The following CCDC91 variants were observed in gnomAD, a reference collection of about 807,000 sequenced individuals.
CCDC91 encodes coiled-coil domain-containing protein 91.
In CCDC91, 48 loss-of-function variants were observed where a neutral mutation model predicts 63.2. That is an observed-to-expected ratio of 0.76 (90% CI 0.60 to 0.97). CCDC91 has a LOEUF of 0.97. Among genes scored for constraint, CCDC91 ranks in the 50% least tolerant of loss-of-function variants. The pLI is 0.00. For synonymous variants in CCDC91, 167 were observed against 165.8 expected, an observed-to-expected ratio of 1.01 and a Z score of -0.06; for missense variants, 500 against 494.6, an observed-to-expected ratio of 1.01 and a Z score of -0.10.
At chr12:28,297,822 T>A (rs1384340088) in intron 3 of CCDC91, among the ~76,000 whole-genome samples, 1 of 151,842 alleles carries the variant, frequency 6.6e-6, no homozygotes, top group African/African-American at 2.4e-5. Flanking sequence ...GATATTTATA[T>A]TTTACATACT....
At chr12:28,390,870 G>C (rs972913353) in intron 7 of CCDC91, among the ~76,000 whole-genome samples, 1 of 151,852 alleles carries the variant, frequency 6.6e-6, no homozygotes, top group Non-Finnish European at 1.5e-5. Flanking sequence ...ACAGTGTGCC[G>C]AGAGGATGTG....
At chr12:28,503,394 C>T (rs1323204244) in intron 12 of CCDC91, among the ~76,000 whole-genome samples, 1 of 152,162 alleles carries the variant, frequency 6.6e-6, no homozygotes, top group Non-Finnish European at 1.5e-5. Flanking sequence ...GATACCACCT[C>T]ACACCAGTTA....
At chr12:28,340,241 A>T (rs1408795609) in intron 6 of CCDC91, among the ~76,000 whole-genome samples, 1 of 152,218 alleles carries the variant, frequency 6.6e-6, no homozygotes, top group Non-Finnish European at 1.5e-5. Flanking sequence ...ATTTAGTGAG[A>T]AGAATGACAT....
intron 6 of CCDC91, among the ~76,000 whole-genome samples, chr12:28,347,251 A>G (rs890316937): frequency 6.6e-6 from 1 of 152,174 alleles, no homozygotes; most frequent in Admixed American, 6.5e-5. Context: ...TTACCCTTTC[A>G]GGGATCTGGA....
chr12:28,445,806 A>C (rs567289539), intron 8 of CCDC91, among the ~76,000 whole-genome samples: 1 of 152,262 alleles, frequency 6.6e-6, no homozygotes, highest in African/African-American at 2.4e-5. Context: ...TCACACAGAG[A>C]GAATACGCGA....
intron 12 of CCDC91, among the ~76,000 whole-genome samples, chr12:28,517,602 A>G (rs1940094756): frequency 6.6e-6 from 1 of 151,814 alleles, no homozygotes. Flanking sequence ...TCATTTCCAT[A>G]GATTATTGGG....
rs549710324 is a variant in CCDC91 at position 28,358,134 on chromosome 12, G to A, written c.577-4304G>A. On this transcript the variant is annotated intron_variant, in intron 6 of 12. Coordinates refer to ENST00000536442, the MANE Select transcript of CCDC91 (RefSeq NM_018318.5). ...TTAAGGAAGTTGGAAGTGTATCTTA[G>A]AAATAATTTATTCCATCTCCCTCAT... Among the ~76,000 whole-genome samples, 5 of 152,210 alleles carry A rather than the reference G, an allele frequency of 3.3e-5. No homozygotes were observed. In the East Asian group the frequency reaches 9.6e-4, roughly 29 times the overall value.
chr12:28,238,372 C>T (rs752795283), intron 1 of CCDC91, among the ~76,000 whole-genome samples: 4 of 152,030 alleles, frequency 2.6e-5, no homozygotes, highest in Admixed American at 1.3e-4. Context: ...TCAGCCCCCA[C>T]CTTTAATGAA....
chr12:28,191,636 C>G (rs1257270538), intron 1 of CCDC91, among the ~76,000 whole-genome samples: 1 of 152,158 alleles, frequency 6.6e-6, no homozygotes, highest in South Asian at 2.1e-4. Flanking sequence ...CCCTTCCCCC[C>G]CCCACAATAT....
At chr12:28,287,132 A>G (rs1369107956) in intron 3 of CCDC91, among the ~76,000 whole-genome samples, 1 of 152,076 alleles carries the variant, frequency 6.6e-6, no homozygotes, top group Non-Finnish European at 1.5e-5. Flanking sequence ...TCTAGTTTGC[A>G]AATATTTTCT....
At chr12:28,271,211 CAGAG>C (rs1947747203) in intron 3 of CCDC91, among the ~76,000 whole-genome samples, 2 of 152,020 alleles carry the variant, frequency 1.3e-5, no homozygotes, top group African/African-American at 2.4e-5. Context: ...ACAGCAGAGA[CAGAG>C]GGAAACAGAG....
intron 12 of CCDC91, among the ~76,000 whole-genome samples, chr12:28,501,418 G>C (rs1435996289): frequency 7.2e-5 from 11 of 151,826 alleles, no homozygotes; most frequent in Admixed American, 1.3e-4. Context: ...TAGCATGAAG[G>C]GTTGTTGAAT....
intron 3 of CCDC91, among the ~76,000 whole-genome samples, chr12:28,304,157 T>A (rs1384779822): frequency 2.6e-5 from 4 of 151,500 alleles, no homozygotes; most frequent in Non-Finnish European, 5.9e-5. Context: ...GGCGGGCGGA[T>A]CATGAGGTCA....
At chr12:28,500,441 T>A (rs1426128783) in intron 12 of CCDC91, among the ~76,000 whole-genome samples, 5 of 152,160 alleles carry the variant, frequency 3.3e-5, no homozygotes, top group Non-Finnish European at 7.4e-5. Context: ...TGAATGGTAT[T>A]GCCTAGGTTT....
At chr12:28,483,037 A>G (rs1054497532) in intron 11 of CCDC91, among the ~76,000 whole-genome samples, 3 of 152,012 alleles carry the variant, frequency 2.0e-5, no homozygotes, top group Admixed American at 1.3e-4. Flanking sequence ...TGTATATCCA[A>G]GTATATATAT....
At chr12:28,421,190 C>G (rs1359233907) in intron 8 of CCDC91, among the ~76,000 whole-genome samples, 1 of 152,012 alleles carries the variant, frequency 6.6e-6, no homozygotes, top group Non-Finnish European at 1.5e-5. Flanking sequence ...TTAGCTTTTA[C>G]CAACATTTAA....
At chr12:28,252,460 A>T (rs1946184819) in intron 1 of CCDC91, among the ~76,000 whole-genome samples, 1 of 150,230 alleles carries the variant, frequency 6.7e-6, no homozygotes, top group African/African-American at 2.4e-5. Flanking sequence ...CTGACTTCCC[A>T]TTTTTTTCTC....
At chr12:28,277,571 A>T (rs897205001) in intron 3 of CCDC91, among the ~76,000 whole-genome samples, 2 of 152,018 alleles carry the variant, frequency 1.3e-5, no homozygotes, top group Non-Finnish European at 2.9e-5. Context: ...CAAATTTGGG[A>T]TGGTAAATAT....
intron 11 of CCDC91, among the ~76,000 whole-genome samples, chr12:28,476,125 T>G (rs1951073977): frequency 6.6e-6 from 1 of 152,004 alleles, no homozygotes; most frequent in Non-Finnish European, 1.5e-5. Context: ...TTGGACAATC[T>G]AAAAGACTTT....
Sources: allele counts gnomAD v4.1 joint callset (sites outside exome capture counted in the v4.1 genomes callset), GRCh38; gene constraint gnomAD v4.1.1; transcripts MANE v1.5; gene names NCBI Gene and HGNC (gene_info 2026-07-23, HGNC 2026-07-21).